The following SUMF1 variants were observed in gnomAD, a reference collection of about 807,000 sequenced individuals.
SUMF1 encodes the protein formylglycine-generating enzyme.
In SUMF1, 48 loss-of-function variants were observed where a neutral mutation model predicts 47.6. That is an observed-to-expected ratio of 1.01 (90% CI 0.80 to 1.28). SUMF1 has a LOEUF of 1.28. Ranked by LOEUF, SUMF1 falls within the 50% of genes most tolerant of loss-of-function variation. The probability of loss-of-function intolerance (pLI) is 0.00; values close to 1 mark genes in which losing one functional copy is unlikely to be tolerated. For synonymous variants in SUMF1, 230 were observed against 192.1 expected (o/e 1.20, Z -1.63); for missense variants, 571 against 485.4 (o/e 1.18, Z -1.66).
intron 8 of SUMF1, among the ~76,000 whole-genome samples, chr3:4,289,700 T>C (rs1221877676): frequency 6.6e-6 from 1 of 152,210 alleles, no homozygotes; most frequent in Admixed American, 6.5e-5. Context: ...ATTTTCTTTG[T>C]TGCTATCATC....
At chr3:4,262,049 C>T (rs570940681) in intron 8 of SUMF1, among the ~76,000 whole-genome samples, 3 of 152,176 alleles carry the variant, frequency 2.0e-5, no homozygotes, top group Non-Finnish European at 4.4e-5. Context: ...CCAAAACTGA[C>T]CACATCTCTG....
chr3:4,316,244 T>G, intron 8 of SUMF1: 1 of 753,506 alleles, frequency 1.3e-6, no homozygotes, highest in East Asian at 2.7e-5. Context: ...AAAAGCAAAT[T>G]CGAGCAATTT....
At chr3:4,121,987 T>A (rs999152074) in intron 8 of SUMF1, among the ~76,000 whole-genome samples, 1 of 152,196 alleles carries the variant, frequency 6.6e-6, no homozygotes, top group Non-Finnish European at 1.5e-5. Context: ...GTTCCTGTGT[T>A]AATTTGTTAA....
chr3:4,423,195 T>C (rs1381280536), intron 3 of SUMF1, among the ~76,000 whole-genome samples: 2 of 151,960 alleles, frequency 1.3e-5, no homozygotes, highest in Non-Finnish European at 2.9e-5. Context: ...CACACACATG[T>C]TTATAGCAGC....
intron 8 of SUMF1, among the ~76,000 whole-genome samples, chr3:4,339,392 G>A (rs1361807521): frequency 2.1e-4 from 32 of 152,194 alleles, no homozygotes; most frequent in Admixed American, 2.1e-3. Context: ...CCCACCTGTG[G>A]AATGGAAGGA....
intron 8 of SUMF1, among the ~76,000 whole-genome samples, chr3:4,344,714 A>G (rs1265694235): frequency 1.3e-5 from 2 of 152,122 alleles, no homozygotes; most frequent in African/African-American, 4.8e-5. Context: ...GCTTCAAAAG[A>G]TGGGTAATAA....
At position 4,376,329 on chromosome 3, in the gene SUMF1, C is replaced by A; in HGVS notation, c.1014+1G>T. On this transcript the variant is annotated splice_donor_variant, in intron 8 of 8. Transcript: ENST00000272902. LOFTEE classifies it high-confidence loss of function. ...CAAAACAGTTTAGTGACATGACTTA[C>A]CCTATGGCACATGTAGGATCCACCT... The A allele has an allele frequency of 6.2e-7, 1 of 1,614,110 alleles. No homozygotes were observed. Among genetic ancestry groups the A allele is most frequent in the African/African-American group, 1.3e-5 (1 of 75,028 alleles).
chr3:4,039,436 T>C (rs1373621995), intron 9 of SUMF1, among the ~76,000 whole-genome samples: 1 of 98,278 alleles, frequency 1.0e-5, no homozygotes, highest in East Asian at 3.0e-4. Flanking sequence ...TGTGATCTCA[T>C]TGTTCAATTC....
At chr3:4,420,503 T>G (rs1169908000) in intron 3 of SUMF1, among the ~76,000 whole-genome samples, 1 of 151,580 alleles carries the variant, frequency 6.6e-6, no homozygotes, top group Admixed American at 6.6e-5. Flanking sequence ...TTCAACCGAT[T>G]CTCCTGCCTC....
chr3:4,109,509 C>T (rs1446737393), intron 8 of SUMF1, among the ~76,000 whole-genome samples: 1 of 152,116 alleles, frequency 6.6e-6, no homozygotes, highest in Non-Finnish European at 1.5e-5. Flanking sequence ...GGATAATAAC[C>T]TGCAGAGTGT....
intron 3 of SUMF1, among the ~76,000 whole-genome samples, chr3:4,446,830 G>T (rs2125117402): frequency 6.6e-6 from 1 of 152,232 alleles, no homozygotes; most frequent in African/African-American, 2.4e-5. Context: ...AATCATTGTA[G>T]GAAAAACTAG....
chr3:4,313,380 T>A, intron 8 of SUMF1: 1 of 1,613,946 alleles, frequency 6.2e-7, no homozygotes, highest in East Asian at 2.2e-5. Context: ...TTGACCCTAC[T>A]TATATAGGAA....
chr3:4,043,402 A>C (rs546569856), intron 9 of SUMF1, among the ~76,000 whole-genome samples: 34 of 152,254 alleles, frequency 2.2e-4, no homozygotes, highest in Non-Finnish European at 4.6e-4. Context: ...TTCTGCTGAG[A>C]AAACTAAGAA....
intron 8 of SUMF1, among the ~76,000 whole-genome samples, chr3:4,207,569 G>C (rs1695680655): frequency 6.6e-6 from 1 of 152,032 alleles, no homozygotes; most frequent in Admixed American, 6.6e-5. Context: ...ATCATTATAT[G>C]GACTTTGTCC....
At position 4,050,763 on chromosome 3, in the gene SUMF1, A is replaced by AG. The variant is rs1223125647; in HGVS notation, c.1191+17805_1191+17806insC. ...GACCCTGTCTCAAAAAAAAAAAAAAAAAAGAAAGAAAAAAGAAAAGAAAAA... is the reference window on the plus strand; with the variant it reads ...GACCCTGTCTCAAAAAAAAAAAAAAAGAAAGAAAGAAAAAAGAAAAGAAAAA... On this transcript the variant is annotated intron_variant and NMD_transcript_variant, in intron 9 of 12. Transcript: ENST00000448413. Among the ~76,000 whole-genome samples the AG allele has an allele frequency of 2.9e-4, 42 of 146,438 alleles. 1 individual carries two copies. The highest frequency in any genetic ancestry group is 4.7e-4 in the African/African-American group (19 of 40,242).
intron 6 of SUMF1, among the ~76,000 whole-genome samples, chr3:4,411,972 G>C (rs1470900213): frequency 2.0e-5 from 3 of 152,166 alleles, no homozygotes; most frequent in African/African-American, 7.2e-5. Flanking sequence ...TGTGGCTTCA[G>C]ATGGTTTCAC....
chr3:4,338,403 A>C (rs766793649), intron 8 of SUMF1, among the ~76,000 whole-genome samples: 3 of 152,262 alleles, frequency 2.0e-5, no homozygotes, highest in Non-Finnish European at 4.4e-5. Context: ...AAATAAAGTC[A>C]GTGTGGCTTT....
intron 8 of SUMF1, among the ~76,000 whole-genome samples, chr3:4,301,870 A>T (rs1697975375): frequency 6.6e-6 from 1 of 152,184 alleles, no homozygotes; most frequent in Non-Finnish European, 1.5e-5. Context: ...TGGGTTGGAG[A>T]CTGGTGACCT....
chr3:4,081,327 C>T (rs112029757), intron 8 of SUMF1, among the ~76,000 whole-genome samples: 1,797 of 152,144 alleles, frequency 0.012, 22 homozygotes, highest in African/African-American at 0.027. Flanking sequence ...GATATCCATC[C>T]TCTTTCTTCA....
Sources: gnomAD v4.1 joint callset for allele counts (sites outside exome capture counted in the v4.1 genomes callset) on GRCh38, gnomAD v4.1.1 for gene constraint, MANE v1.5 for transcripts, NCBI Gene and HGNC (gene_info 2026-07-23, HGNC 2026-07-21) for gene names.